The following HUNK variants were observed in gnomAD, a reference collection of about 807,000 sequenced individuals.
HUNK encodes the protein hormonally up-regulated Neu-associated kinase.
A neutral mutation model predicts 61.0 loss-of-function variants in HUNK; 21 were observed. That is an observed-to-expected ratio of 0.34 (90% CI 0.24 to 0.50). The LOEUF is 0.50. Ranked by LOEUF, HUNK falls within the 20% of genes least tolerant of loss-of-function variation. The pLI, the probability that HUNK is intolerant of heterozygous loss-of-function variation, is 0.98. For synonymous variants in HUNK, 371 were observed against 386.1 expected (o/e 0.96, Z 0.46); for missense variants, 772 against 945.7 (o/e 0.82, Z 2.41).
At chr21:31,976,976 G>T (rs987409830) in intron 7 of HUNK, among the ~76,000 whole-genome samples, 5 of 151,844 alleles carry the variant, frequency 3.3e-5, no homozygotes, top group African/African-American at 1.2e-4. Context: ...TTGCCATGTT[G>T]CCCAGGCTGG....
intron 1 of HUNK, among the ~76,000 whole-genome samples, chr21:31,921,547 C>G (rs980590054): frequency 1.3e-5 from 2 of 151,874 alleles, no homozygotes; most frequent in Admixed American, 1.3e-4. Context: ...GAGTTGGGAC[C>G]GGGTGGTGGT....
intron 1 of HUNK, among the ~76,000 whole-genome samples, chr21:31,900,446 A>AACACACACACAT (rs1555876248): frequency 7.0e-6 from 1 of 143,024 alleles, no homozygotes; most frequent in African/African-American, 2.7e-5. Flanking sequence ...TAGTTACTGA[A>AACACACACACAT]ACACACACAC....
Position 31,924,295 on chromosome 21 carries a change from A to G in HUNK, c.262-173A>G, listed in dbSNP as rs556242084. Among the ~76,000 whole-genome samples the G allele has an allele frequency of 2.1e-5, 3 of 141,482 alleles. No homozygotes were observed. Among genetic ancestry groups the G allele is most frequent in the African/African-American group, 8.2e-5 (3 of 36,372 alleles). 92.8% of individuals were successfully genotyped at this position (141,482 alleles called of 152,430 possible). A position where few individuals can be genotyped will look rare whatever the true frequency, so the allele number is the denominator to read the frequency against. The stretch of plus-strand genomic sequence containing the variant: ...GTGTGTGTGTGTGTGTTTGTGTGGT[A>G]TATGCATAAATATAAATGTGTATAT... On this transcript the variant is annotated intron_variant, in intron 1 of 10. Coordinates refer to ENST00000270112, the MANE Select transcript of HUNK (RefSeq NM_014586.2). This position sits in a 1 kb window ranked among gnomAD's most constrained non-coding sequence, Gnocchi z 5.1.
rs1163548748 is a variant in HUNK, at chr21:31,946,145, C to T, written c.720C>T (p.Tyr240=). The T allele has an allele frequency of 6.2e-6, 10 of 1,612,704 alleles. No homozygotes were observed. The African/African-American group carries it at 6.7e-5, about 11-fold the overall frequency. ...AAPELLARKK[Y]GPKIDVWSIG... ...CTGAACTGCTCGCCAGGAAGAAATA[C>T]GGCCCCAAAATCGATGTCTGGTCCA... Residue 240 remains tyrosine (Y), a synonymous_variant, in exon 4 of 11, where the codon TAC becomes TAT. Transcript: ENST00000270112.
Position 31,878,771 on chromosome 21 carries a change from C to T in HUNK, c.261+4836C>T, listed in dbSNP as rs1057327598. On this transcript the variant is annotated intron_variant, in intron 1 of 10. Coordinates refer to ENST00000270112, the MANE Select transcript of HUNK (RefSeq NM_014586.2). ...AAAAATATAGTTGGAAAAGCTGAATCGAGAAAAGAGTAGGTGTATCTCAGG... is the reference window on the plus strand; with the variant it reads ...AAAAATATAGTTGGAAAAGCTGAATTGAGAAAAGAGTAGGTGTATCTCAGG... Among the ~76,000 whole-genome samples the T allele has an allele frequency of 3.3e-5, 5 of 152,262 alleles. No individual in the cohort carries two copies. The East Asian group carries it at 5.8e-4, about 18-fold the overall frequency.
chr21:31,896,686 A>G (rs2123796432), intron 1 of HUNK, among the ~76,000 whole-genome samples: 1 of 152,346 alleles, frequency 6.6e-6, no homozygotes, highest in East Asian at 1.9e-4. Context: ...GGTTGCTATT[A>G]GAATTTCTTC....
intron 1 of HUNK, among the ~76,000 whole-genome samples, chr21:31,890,430 T>C (rs997368740): frequency 6.6e-6 from 1 of 152,182 alleles, no homozygotes; most frequent in African/African-American, 2.4e-5. Flanking sequence ...GATTTCACCA[T>C]GTTGGTCAGG....
At chr21:31,949,234 G>A (rs1046736464) in intron 4 of HUNK, among the ~76,000 whole-genome samples, 3 of 152,200 alleles carry the variant, frequency 2.0e-5, no homozygotes, top group African/African-American at 7.2e-5. Context: ...GGTGGGCTGG[G>A]GTCATGTGGA....
At chr21:31,968,737 TGTG>T (rs2052986684) in intron 6 of HUNK, among the ~76,000 whole-genome samples, 1 of 145,916 alleles carries the variant, frequency 6.9e-6, no homozygotes, top group Admixed American at 6.7e-5. Flanking sequence ...TGTGTGTGTG[TGTG>T]TGTGTGTGTG....
rs185182537 is a variant in HUNK, at chr21:31,965,477, T to A, written c.875-2773T>A. Reference sequence around the variant, plus strand: ...AGTAAAAGTTAAAAAAAAATTTTTTTTAAAGTACGTTGCTGGAAAGTTTTA... The same window carrying A: ...AGTAAAAGTTAAAAAAAAATTTTTTATAAAGTACGTTGCTGGAAAGTTTTA... On this transcript the variant is annotated intron_variant, in intron 5 of 10. Coordinates refer to ENST00000270112, the MANE Select transcript of HUNK (RefSeq NM_014586.2). Among the ~76,000 whole-genome samples, 957 of 152,196 alleles carry A rather than the reference T, an allele frequency of 6.3e-3. 6 individuals carry two copies. Among genetic ancestry groups the A allele is most frequent in the African/African-American group, 0.021 (878 of 41,530 alleles).
chr21:31,939,060 G>C (rs146605277), intron 2 of HUNK, among the ~76,000 whole-genome samples: 2 of 152,182 alleles, frequency 1.3e-5, no homozygotes, highest in Admixed American at 1.3e-4. Context: ...AGTCGCAGGC[G>C]CAGACACCAG....
intron 7 of HUNK, among the ~76,000 whole-genome samples, chr21:31,981,659 GT>G (rs1042438936): frequency 6.6e-6 from 1 of 152,036 alleles, no homozygotes; most frequent in Non-Finnish European, 1.5e-5. Context: ...TTTTTGAATA[GT>G]TTGTTGTTAG....
In HUNK at chr21:31,892,674, T is replaced by A. The variant is rs539656377; in HGVS notation, c.261+18739T>A. On this transcript the variant is annotated intron_variant, in intron 1 of 10. Transcript: ENST00000270112. ...TATATTTCCGCCTTAAAAGTATGTA[T>A]TATTTATGGTCTTTTAGATAGTAAG... Among the ~76,000 whole-genome samples, 20 of 152,084 alleles carry A rather than the reference T, an allele frequency of 1.3e-4. No individual in the cohort carries two copies. The South Asian group carries it at 4.2e-3, about 32-fold the overall frequency.
chr21:31,881,923 C>T (rs1327919792), intron 1 of HUNK, among the ~76,000 whole-genome samples: 1 of 152,120 alleles, frequency 6.6e-6, no homozygotes, highest in African/African-American at 2.4e-5. Context: ...TTGTGTTTCT[C>T]AGTACTTACA....
intron 7 of HUNK, among the ~76,000 whole-genome samples, chr21:31,978,644 CA>C (rs1450430440): frequency 6.6e-6 from 1 of 152,112 alleles, no homozygotes; most frequent in Non-Finnish European, 1.5e-5. Flanking sequence ...TCCATATTGT[CA>C]AAAATGACAG....
intron 3 of HUNK, among the ~76,000 whole-genome samples, chr21:31,940,863 A>G (rs2052764227): frequency 6.6e-6 from 1 of 152,226 alleles, no homozygotes; most frequent in African/African-American, 2.4e-5. Flanking sequence ...ATATCCAGAT[A>G]TTAGATGGCA....
chr21:31,924,419 C>G lies in HUNK; in HGVS notation c.262-49C>G. On this transcript the variant is annotated intron_variant, in intron 1 of 10. Coordinates refer to ENST00000270112, the MANE Select transcript of HUNK (RefSeq NM_014586.2). This position sits in a 1 kb window ranked among gnomAD's most constrained non-coding sequence, Gnocchi z 5.1. ...GTTCCTGTGAGTAGCCAAGGCATCG[C>G]TATTGTCTGTAATGTCTGATAACAG... 1 of 1,555,414 alleles carries G rather than the reference C, an allele frequency of 6.4e-7. No homozygotes were observed. The highest frequency in any genetic ancestry group is 8.7e-7 in the Non-Finnish European group (1 of 1,145,554).
rs530491061 is a variant in HUNK, at chr21:31,897,890, C to T, written c.261+23955C>T. Among the ~76,000 whole-genome samples, 7 of 152,124 alleles carry T rather than the reference C, an allele frequency of 4.6e-5. No homozygotes were observed. The South Asian group carries it at 1.5e-3, about 32-fold the overall frequency. On this transcript the variant is annotated intron_variant, in intron 1 of 10. Coordinates refer to ENST00000270112, the MANE Select transcript of HUNK (RefSeq NM_014586.2). ...TTCATTGCCTCTGTTCCACCATGTTCTATCTTTCCGAGATGCTCACCTCCT... is the reference window on the plus strand; with the variant it reads ...TTCATTGCCTCTGTTCCACCATGTTTTATCTTTCCGAGATGCTCACCTCCT...
At chr21:31,973,387 A>G (rs910263131) in intron 6 of HUNK, among the ~76,000 whole-genome samples, 1 of 152,052 alleles carries the variant, frequency 6.6e-6, no homozygotes, top group African/African-American at 2.4e-5. Flanking sequence ...ATTCCCACCT[A>G]TGAGTGAGAA....
Sources: allele counts gnomAD v4.1 joint callset (sites outside exome capture counted in the v4.1 genomes callset), GRCh38; gene constraint gnomAD v4.1.1; non-coding constraint Gnocchi (gnomAD v3.1); transcripts MANE v1.5; gene names NCBI Gene and HGNC (gene_info 2026-07-23, HGNC 2026-07-21).